Variants in CSDE1 observed in about 807,000 individuals in gnomAD.
CSDE1 encodes cold shock domain-containing protein E1.
CSDE1 carries 17 observed loss-of-function variants against 89.3 expected under a neutral mutation model. The ratio of observed to expected loss-of-function variants is 0.19; its 90% confidence interval spans 0.13 to 0.29. CSDE1 has a LOEUF of 0.29. Ranked by LOEUF, CSDE1 falls within the 10% of genes least tolerant of loss-of-function variation. CSDE1 has a pLI of 1.00. For missense variants in CSDE1, 672 were observed against 984.2 expected, an observed-to-expected ratio of 0.68 and a Z score of 4.24; for synonymous variants, 322 against 332.8, an observed-to-expected ratio of 0.97 and a Z score of 0.35.
chr1:114,726,224 A>G lies in CSDE1; in HGVS notation c.1627T>C (p.Phe543Leu). 6.2e-7 allele frequency: 1 copy of G among 1,607,156 alleles called. No homozygotes were observed. Among genetic ancestry groups the G allele is most frequent in the Non-Finnish European group, 8.5e-7 (1 of 1,177,292 alleles). Residue 543 changes from phenylalanine (F) to leucine (L), a missense_variant, in exon 14 of 20, where the codon TTT (phenylalanine) becomes CTT (leucine). Physicochemically the swap from Phe to Leu is conservative, Grantham distance 22. Coordinates refer to ENST00000358528, the MANE Select transcript of CSDE1 (RefSeq NM_001007553.3). Reference protein sequence around the residue: ...IETANHDKEIFFHYSEFSGDV... With the variant: ...IETANHDKEILFHYSEFSGDV... ...GTCACGCCTTACCTGTAATGGAAAAAGATTTCCTTATCATGATTGGCTGTT... is the reference window on the plus strand; with the variant it reads ...GTCACGCCTTACCTGTAATGGAAAAGGATTTCCTTATCATGATTGGCTGTT...
At chr1:114,732,007 G>A (rs1280916030) in intron 10 of CSDE1, among the ~76,000 whole-genome samples, 1 of 151,990 alleles carries the variant, frequency 6.6e-6, no homozygotes. Context: ...TAGAGACGGG[G>A]TTTTACCATG....
intron 1 of CSDE1, among the ~76,000 whole-genome samples, chr1:114,757,366 C>A (rs1661661401): frequency 6.6e-6 from 1 of 152,166 alleles, no homozygotes; most frequent in African/African-American, 2.4e-5. Context: ...TGCCGCACTG[C>A]GCTCTGGTAC....
chr1:114,719,803 C>T, intron 17 of CSDE1, 61 bp from the exon 18 acceptor site: 1 of 1,472,296 alleles, frequency 6.8e-7, no homozygotes, highest in Middle Eastern at 1.8e-4. Context: ...GAATGAAGCA[C>T]AATGCCTGCC....
rs1312583780 is a variant in CSDE1, at chr1:114,717,300, A to T, written c.*869T>A. 6.6e-6 allele frequency: 1 copy of T among 152,530 alleles called. No homozygotes were observed. The highest frequency in any genetic ancestry group is 1.5e-5 in the Non-Finnish European group (1 of 68,038). 9.4% of individuals were successfully genotyped at this position (152,530 alleles called of 1,614,324 possible). On this transcript the variant is annotated 3_prime_UTR_variant, in exon 20 of 20. Coordinates refer to ENST00000358528, the MANE Select transcript of CSDE1 (RefSeq NM_001007553.3). Reference sequence around the variant, plus strand: ...AAAAAAAACAAGATTCATTTCAGGCACAACTTTTTTATTTTTTTTTGTTTT... The same window carrying T: ...AAAAAAAACAAGATTCATTTCAGGCTCAACTTTTTTATTTTTTTTTGTTTT...
chr1:114,729,133 C>T (rs1659962229), intron 12 of CSDE1, among the ~76,000 whole-genome samples: 1 of 152,058 alleles, frequency 6.6e-6, no homozygotes, highest in Non-Finnish European at 1.5e-5. Context: ...GAGTCTCACT[C>T]AGTCGCCCAG....
chr1:114,720,914 G>A (rs938561492), intron 16 of CSDE1, among the ~76,000 whole-genome samples, 197 bp from the exon 17 acceptor site: 1 of 152,158 alleles, frequency 6.6e-6, no homozygotes, highest in African/African-American at 2.4e-5. Context: ...AAATGAGAAT[G>A]TCACAGCTCC....
rs372353861 is a variant in CSDE1 at position 114,729,787 on chromosome 1, T to C, written c.1356+471A>G. ...GAAAGGAGAATTCATCTCAGACATC[T>C]TTCTATTTCCTATTTAGTGGATTTT... On this transcript the variant is annotated intron_variant, in intron 12 of 19. Coordinates refer to ENST00000358528, the MANE Select transcript of CSDE1 (RefSeq NM_001007553.3). 1.2e-4 allele frequency among the ~76,000 whole-genome samples: 18 copies of C among 152,326 alleles called. No homozygotes were observed. In the East Asian group the frequency reaches 2.7e-3, roughly 23 times the overall value.
At position 114,730,608 on chromosome 1, in the gene CSDE1, T is replaced by C; in HGVS notation, c.1091A>G (p.Lys364Arg). The change falls in exon 11 of 20, where the codon AAG (lysine) becomes AGG (arginine). Residue 364 changes from lysine (K) to arginine (R), a missense_variant. Around this residue, in one of 8 missense-constraint regions of CSDE1, gnomAD observed 169 missense variants for 262.9 expected, o/e 0.64. Transcript: ENST00000358528. ...AAMRDGFGFIKCVDRDVRMFF... is the reference protein window; with the variant it reads ...AAMRDGFGFIRCVDRDVRMFF... ...CATACGAACATCACGATCCACACAC[T>C]TGATGAAACCAAAACCATCTCTCAT... is the stretch of plus-strand genomic sequence containing the variant. 4 of 1,613,982 alleles carry C rather than the reference T, an allele frequency of 2.5e-6. No individual in the cohort carries two copies. Among genetic ancestry groups the C allele is most frequent in the Non-Finnish European group, 3.4e-6 (4 of 1,180,022 alleles).
rs1661225491 is a variant in CSDE1 at position 114,750,094 on chromosome 1, A to T, written c.-274T>A. 1 of 152,658 alleles carries T rather than the reference A, an allele frequency of 6.6e-6. No individual in the cohort carries two copies. Among genetic ancestry groups the T allele is most frequent in the African/African-American group, 2.4e-5 (1 of 41,456 alleles). The allele number at this position is 152,658 out of a possible 1,614,324, so 9.5% of individuals were successfully genotyped here. ...GTTTCAGATCAAGTGTTGTGTCTTC[A>T]ACTTAAGTGTACTCTTCTTTGGTCT... On this transcript the variant is annotated 5_prime_UTR_variant, in exon 2 of 20. Transcript: ENST00000358528.
At chr1:114,752,476 A>G (rs1260445691) in intron 1 of CSDE1, among the ~76,000 whole-genome samples, 1 of 151,972 alleles carries the variant, frequency 6.6e-6, no homozygotes, top group African/African-American at 2.4e-5. Flanking sequence ...ATCTCCCCCC[A>G]ACCCCTGCTC....
intron 2 of CSDE1, among the ~76,000 whole-genome samples, chr1:114,745,885 C>CAAGT (rs1222062581): frequency 6.6e-6 from 1 of 152,194 alleles, no homozygotes; most frequent in East Asian, 1.9e-4. Flanking sequence ...TCCTGACTCT[C>CAAGT]AAGTACTTTT....
chr1:114,736,371 T>G (rs1441875033), intron 6 of CSDE1, among the ~76,000 whole-genome samples: 1 of 152,180 alleles, frequency 6.6e-6, no homozygotes, highest in Non-Finnish European at 1.5e-5. Context: ...AAACTTTACC[T>G]TCTGGTCAGT....
chr1:114,725,357 T>C (rs1459863424), intron 14 of CSDE1, 24 bp from the exon 15 acceptor site: 1 of 1,542,160 alleles, frequency 6.5e-7, no homozygotes, highest in African/African-American at 1.4e-5. Context: ...AAATGACATT[T>C]AACTAAACAT....
rs148393968 is a variant in CSDE1, at chr1:114,719,605, G to A, written c.2190C>T (p.Cys730=). ...SVILNQRTGK[C]SACNVWRVCE... Reference sequence around the variant, plus strand: ...AGACTCGCCAAACATTACAGGCGCTGCACTTGCCAGTGCGCTGATTAAGAA... The same window carrying A: ...AGACTCGCCAAACATTACAGGCGCTACACTTGCCAGTGCGCTGATTAAGAA... The change falls in exon 18 of 20, where the codon TGC becomes TGT. Residue 730 remains cysteine (C), a synonymous_variant. Transcript: ENST00000358528. 2.5e-6 allele frequency: 4 copies of A among 1,613,918 alleles called. No individual in the cohort carries two copies. The highest frequency in any genetic ancestry group is 1.7e-5 in the Admixed American group (1 of 60,002).
chr1:114,733,866 G>T lies in CSDE1; in HGVS notation c.712-9C>A, dbSNP rs1412184270. 25 of 1,613,556 alleles carry T rather than the reference G, an allele frequency of 1.5e-5. No homozygotes were observed. Among genetic ancestry groups the T allele is most frequent in the East Asian group, 2.2e-5 (1 of 44,832 alleles). On this transcript the variant is annotated splice_polypyrimidine_tract_variant and intron_variant, in intron 8 of 19. Coordinates refer to ENST00000358528, the MANE Select transcript of CSDE1 (RefSeq NM_001007553.3). ...GTTGCAACTTCTTTACCCTAAATCAGAAGGGGTTGGAGGTGGTGGGGGGAC... is the reference window on the plus strand; with the variant it reads ...GTTGCAACTTCTTTACCCTAAATCATAAGGGGTTGGAGGTGGTGGGGGGAC...
intron 11 of CSDE1, 26 bp from the exon 12 acceptor site, chr1:114,730,448 T>C: frequency 1.9e-6 from 3 of 1,610,090 alleles, no homozygotes; most frequent in Non-Finnish European, 1.7e-6. Context: ...CAAAATTAAC[T>C]TTCAATTGAA....
intron 6 of CSDE1, among the ~76,000 whole-genome samples, chr1:114,735,390 T>C (rs1228078688): frequency 6.6e-6 from 1 of 152,224 alleles, no homozygotes; most frequent in African/African-American, 2.4e-5. Flanking sequence ...TCTACCTGTT[T>C]TTGTAACTTA....
At chr1:114,732,461 T>C in intron 10 of CSDE1, 143 bp downstream of exon 10, 4 of 730,682 alleles carry the variant, frequency 5.5e-6, no homozygotes, top group Non-Finnish European at 9.0e-6. Context: ...GACTCAAATG[T>C]GTATGATTCT....
intron 10 of CSDE1, 144 bp from the exon 11 acceptor site, chr1:114,730,792 T>G (rs944810887): frequency 5.0e-5 from 49 of 982,450 alleles, no homozygotes; most frequent in Non-Finnish European, 7.2e-5. Flanking sequence ...CTGTTCTCAC[T>G]TAAGTACAAA....
Sources: gnomAD v4.1 joint callset for allele counts (sites outside exome capture counted in the v4.1 genomes callset) on GRCh38, gnomAD v4.1.1 for gene constraint, gnomAD v4.1.1 regional missense constraint, MANE v1.5 for transcripts, NCBI Gene and HGNC (gene_info 2026-07-23, HGNC 2026-07-21) for gene names.